The following PARVB variants were observed in gnomAD, a reference collection of about 807,000 sequenced individuals.
PARVB encodes parvin beta, also known as beta-parvin.
A neutral mutation model predicts 47.0 loss-of-function variants in PARVB; 46 were observed. The observed-to-expected ratio is 0.98, with a 90% CI of 0.77 to 1.25. The LOEUF is 1.25. Ranked by LOEUF, PARVB falls within the 50% of genes most tolerant of loss-of-function variation. The pLI is 0.00. For missense variants in PARVB, 473 were observed against 471.6 expected (o/e 1.00, Z -0.03); for synonymous variants, 196 against 196.3 (o/e 1.00, Z 0.01).
At chr22:44,081,596 C>T in intron 1 of PARVB, 1 of 985,340 alleles carries the variant, frequency 1.0e-6, no homozygotes, top group Non-Finnish European at 1.2e-6. Context: ...TTAGCTTCTG[C>T]ACGGCCGTTT....
At chr22:44,121,658 C>A (rs8138987) in intron 4 of PARVB, among the ~76,000 whole-genome samples, 15,381 of 151,952 alleles carry the variant, frequency 0.1, 2,523 homozygotes, top group African/African-American at 0.35. Context: ...AAAATCTGGG[C>A]CTTATGGGTG....
intron 1 of PARVB, among the ~76,000 whole-genome samples, chr22:44,062,305 G>A (rs2051434254): frequency 2.0e-5 from 3 of 152,196 alleles, no homozygotes; most frequent in East Asian, 1.9e-4. Flanking sequence ...GGGTCCCCAC[G>A]ACTGCTTCCT....
At chr22:44,024,001 C>T (rs1255399125), upstream of PARVB, among the ~76,000 whole-genome samples, 1 of 152,254 alleles carries the variant, frequency 6.6e-6, no homozygotes, top group Non-Finnish European at 1.5e-5. Flanking sequence ...TGAGGCTGCA[C>T]CCACGTGGCA....
At chr22:44,135,938 G>T (rs2053431959) in intron 6 of PARVB, among the ~76,000 whole-genome samples, 3 of 152,118 alleles carry the variant, frequency 2.0e-5, no homozygotes, top group South Asian at 2.1e-4. Context: ...ATTAAGGAGG[G>T]GCTCACCATA....
At position 44,003,353 on chromosome 22, in the gene PARVB, C is replaced by T. The variant is rs983345918; in HGVS notation, c.211+3680C>T. Among the ~76,000 whole-genome samples, 5 of 152,270 alleles carry T rather than the reference C, an allele frequency of 3.3e-5. 1 individual carries two copies. The highest frequency in any genetic ancestry group is 3.9e-4 in the East Asian group (2 of 5,190). On this transcript the variant is annotated intron_variant, in intron 2 of 13. Coordinates refer to the PARVB transcript ENST00000406477. ...CGGGCAGAGCTACTGCTGGAAATACCAGAACATCATAAAGAGACTGTGATG... is the reference window on the plus strand; with the variant it reads ...CGGGCAGAGCTACTGCTGGAAATACTAGAACATCATAAAGAGACTGTGATG...
intron 4 of PARVB, 27 bp from the exon 5 acceptor site, chr22:44,131,460 C>A (rs773288233): frequency 6.2e-7 from 1 of 1,609,504 alleles, no homozygotes; most frequent in Admixed American, 1.7e-5. Context: ...TTTTTCTGAC[C>A]CTCTTCTCTT....
In PARVB at chr22:44,098,929, C is replaced by T. The variant is rs138970787; in HGVS notation, c.203-1124C>T. On this transcript the variant is annotated intron_variant, in intron 2 of 12. Transcript: ENST00000338758. ...GGCTCAAGCAATCCTCCCGCCTCAG[C>T]CTCCCAAAGTGCTGGGATTGTAGGC... 4.9e-3 allele frequency among the ~76,000 whole-genome samples: 751 copies of T among 152,284 alleles called. 10 individuals carry two copies. The highest frequency in any genetic ancestry group is 0.017 in the African/African-American group (719 of 41,562).
At chr22:44,041,317 C>T (rs2051015410) in intron 1 of PARVB, among the ~76,000 whole-genome samples, 1 of 152,000 alleles carries the variant, frequency 6.6e-6, no homozygotes, top group South Asian at 2.1e-4. Context: ...CATGGTGAAA[C>T]TCCATCTCTA....
rs183391079 is a variant in PARVB, at chr22:43,999,956, G to A, written c.211+283G>A. 1.4e-4 allele frequency among the ~76,000 whole-genome samples: 22 copies of A among 151,816 alleles called. No individual in the cohort carries two copies. The East Asian group carries it at 3.7e-3, about 25-fold the overall frequency. On this transcript the variant is annotated intron_variant, in intron 2 of 13. Coordinates refer to the PARVB transcript ENST00000406477. ...CAGGAGGTTAAGGCTGCAGTGAGCC[G>A]TGATTGCACCACTGCACTCCAGCTG...
chr22:44,138,345 T>C (rs1199558952), intron 7 of PARVB, among the ~76,000 whole-genome samples: 1 of 152,118 alleles, frequency 6.6e-6, no homozygotes, highest in Non-Finnish European at 1.5e-5. Flanking sequence ...GAAAGCCACC[T>C]CAATCAGATA....
chr22:44,093,940 A>G lies in PARVB; in HGVS notation c.125A>G (p.Gln42Arg), dbSNP rs141364964. ...TTTTGCTCAACAGTGAGTGACCTGCAGGAAGAAGGCAAGAATGCCATCAAC... is the reference window on the plus strand; with the variant it reads ...TTTTGCTCAACAGTGAGTGACCTGCGGGAAGAAGGCAAGAATGCCATCAAC... ...KRRAREVSDL[Q>R]EEGKNAINSP... Residue 42 changes from glutamine to arginine, a missense_variant, in exon 2 of 13, where the codon CAG (glutamine) becomes CGG (arginine). Coordinates refer to ENST00000338758, the MANE Select transcript of PARVB (RefSeq NM_013327.5). 1 of 1,613,166 alleles carries G rather than the reference A, an allele frequency of 6.2e-7. No individual in the cohort carries two copies. The highest frequency in any genetic ancestry group is 8.5e-7 in the Non-Finnish European group (1 of 1,179,198).
At chr22:44,017,308 GC>G (rs1603423140) in intron 2 of PARVB, among the ~76,000 whole-genome samples, 2 of 152,204 alleles carry the variant, frequency 1.3e-5, no homozygotes, top group East Asian at 3.8e-4. Flanking sequence ...TGAATGCAGT[GC>G]TTTGGGTCTG....
rs1006992786 is a variant in PARVB at position 44,125,059 on chromosome 22, G to T, written c.376+5919G>T. ...ACCTCCTAGGCTTGTGACAGGTGGT[G>T]GTGAGGGTGGGGGGATGAGGTGCTG... On this transcript the variant is annotated intron_variant, in intron 4 of 12. Transcript: ENST00000338758. The surrounding 1 kb of genome is among the most constrained non-coding windows in gnomAD (Gnocchi z 4.1). 2.0e-5 allele frequency among the ~76,000 whole-genome samples: 3 copies of T among 152,010 alleles called. No homozygotes were observed. The highest frequency in any genetic ancestry group is 6.6e-5 in the Admixed American group (1 of 15,254).
chr22:44,064,913 CTA>C (rs1037818098), intron 1 of PARVB, among the ~76,000 whole-genome samples: 30 of 152,206 alleles, frequency 2.0e-4, no homozygotes, highest in African/African-American at 7.2e-4. Flanking sequence ...GTTCTCAGAG[CTA>C]GATGGGCCTT....
At chr22:44,127,825 G>A (rs1014574116) in intron 4 of PARVB, among the ~76,000 whole-genome samples, 4 of 119,724 alleles carry the variant, frequency 3.3e-5, no homozygotes, top group Non-Finnish European at 5.4e-5. Flanking sequence ...TCACTCTGTT[G>A]CCCAGGCTGG....
intron 4 of PARVB, among the ~76,000 whole-genome samples, chr22:44,119,591 G>A (rs2052995098): frequency 6.6e-6 from 1 of 152,234 alleles, no homozygotes; most frequent in African/African-American, 2.4e-5. Flanking sequence ...TTTGCTGGGT[G>A]AAGGCAGTTT....
chr22:44,124,799 C>T (rs549890387), intron 4 of PARVB, among the ~76,000 whole-genome samples: 62 of 152,290 alleles, frequency 4.1e-4, no homozygotes, highest in African/African-American at 1.1e-3. Flanking sequence ...TGTTTTTCTC[C>T]GCTGTTGTGA....
intron 3 of PARVB, among the ~76,000 whole-genome samples, 153 bp downstream of exon 3, chr22:44,100,276 A>G (rs1272614556): frequency 6.6e-6 from 1 of 152,114 alleles, no homozygotes; most frequent in East Asian, 1.9e-4. Flanking sequence ...TTGGCAGAGG[A>G]GGACGGCAGA....
chr22:44,077,964 C>G (rs1168923118), intron 1 of PARVB, among the ~76,000 whole-genome samples: 2 of 152,122 alleles, frequency 1.3e-5, no homozygotes, highest in Non-Finnish European at 2.9e-5. Context: ...TCCCGAAGTG[C>G]TGGGATTGTA....
Sources: gnomAD v4.1 joint callset for allele counts (sites outside exome capture counted in the v4.1 genomes callset) on GRCh38, gnomAD v4.1.1 for gene constraint, Gnocchi (gnomAD v3.1) non-coding constraint, MANE v1.5 for transcripts, NCBI Gene and HGNC (gene_info 2026-07-23, HGNC 2026-07-21) for gene names.